The following TLL2 variants were observed in gnomAD, a reference collection of about 807,000 sequenced individuals.
TLL2 encodes tolloid like 2, also known as tolloid-like protein 2.
In TLL2, 106 loss-of-function variants were observed where a neutral mutation model predicts 123.0. That is an observed-to-expected ratio of 0.86 (90% confidence interval 0.74 to 1.01). The LOEUF (loss-of-function observed/expected upper bound fraction) is 1.01. Ranked by LOEUF, TLL2 falls within the 50% of genes least tolerant of loss-of-function variation. The pLI, the probability that TLL2 is intolerant of heterozygous loss-of-function variation, is 0.00. For missense variants in TLL2, 1,332 were observed against 1,336.7 expected, an observed-to-expected ratio of 1.00 and a Z score of 0.06; for synonymous variants, 494 against 516.8, an observed-to-expected ratio of 0.96 and a Z score of 0.60.
intron 2 of TLL2, among the ~76,000 whole-genome samples, chr10:96,476,242 TTTA>T (rs1317024639): frequency 0.056 from 700 of 12,426 alleles, 66 homozygotes; most frequent in Non-Finnish European, 0.087. Context: ...ATATATATAT[TTTA>T]TTTTTGTTGT....
intron 1 of TLL2, among the ~76,000 whole-genome samples, chr10:96,485,592 C>G (rs1847348197): frequency 6.6e-6 from 1 of 152,172 alleles, no homozygotes; most frequent in Non-Finnish European, 1.5e-5. Flanking sequence ...CAATGAAGTA[C>G]CACTTCACAG....
intron 1 of TLL2, among the ~76,000 whole-genome samples, chr10:96,509,879 G>A (rs1022474572): frequency 5.3e-5 from 8 of 152,192 alleles, no homozygotes; most frequent in Non-Finnish European, 8.8e-5. Flanking sequence ...CCCGGGAGGC[G>A]GAGCTTGCAG....
chr10:96,486,075 C>G (rs1053397716), intron 1 of TLL2, among the ~76,000 whole-genome samples: 1 of 152,146 alleles, frequency 6.6e-6, no homozygotes, highest in East Asian at 1.9e-4. Context: ...CTCACATGTT[C>G]CTGAATCATT....
intron 9 of TLL2, 42 bp from the exon 10 acceptor site, chr10:96,405,376 T>C: frequency 6.3e-7 from 1 of 1,595,268 alleles, no homozygotes; most frequent in Non-Finnish European, 8.6e-7. Context: ...CAGCAAAGCC[T>C]GAGGAGTTTG....
chr10:96,400,629 G>A (rs919933440), intron 10 of TLL2, among the ~76,000 whole-genome samples: 9 of 152,186 alleles, frequency 5.9e-5, no homozygotes, highest in African/African-American at 1.7e-4. Context: ...CTGAGTAGCC[G>A]GGCCACACGA....
At chr10:96,448,176 G>A (rs989602759) in intron 2 of TLL2, among the ~76,000 whole-genome samples, 2 of 152,180 alleles carry the variant, frequency 1.3e-5, no homozygotes, top group Non-Finnish European at 2.9e-5. Flanking sequence ...CATCCTGCTC[G>A]TTCCGCTGCC....
At chr10:96,403,378 ATGT>A (rs890641818) in intron 10 of TLL2, among the ~76,000 whole-genome samples, 1 of 152,242 alleles carries the variant, frequency 6.6e-6, no homozygotes, top group Non-Finnish European at 1.5e-5. Flanking sequence ...CTTTGCTGAG[ATGT>A]TGTTAATTTG....
At chr10:96,415,882 C>CT (rs373246874) in intron 7 of TLL2, among the ~76,000 whole-genome samples, 1,667 of 147,562 alleles carry the variant, frequency 0.011, 31 homozygotes, top group African/African-American at 0.04. Context: ...TTTGTGCAGA[C>CT]TTTTTTTTTC....
intron 2 of TLL2, among the ~76,000 whole-genome samples, chr10:96,459,669 CAAAAAAAAAAAAAAAAAAAA>C (rs1165594084): frequency 1.1e-3 from 28 of 24,404 alleles, no homozygotes; most frequent in Admixed American, 3.1e-3. Flanking sequence ...GATCCTGTTT[CAAAAAAAAAAAAAAAAAAAA>C]AAAAAAAAAA....
intron 18 of TLL2, chr10:96,375,171 G>A (rs1357565792): frequency 6.6e-6 from 1 of 152,374 alleles, no homozygotes; most frequent in Non-Finnish European, 1.5e-5. Flanking sequence ...CAGGGGAGCA[G>A]TGGCACCGGG....
intron 1 of TLL2, among the ~76,000 whole-genome samples, chr10:96,506,458 T>C (rs1847581529): frequency 6.6e-6 from 1 of 150,622 alleles, no homozygotes; most frequent in Non-Finnish European, 1.5e-5. Context: ...GGAGAACCAG[T>C]GGTCAGCTGG....
chr10:96,371,360 G>C (rs961518923), intron 19 of TLL2, among the ~76,000 whole-genome samples: 3 of 151,744 alleles, frequency 2.0e-5, no homozygotes, highest in Non-Finnish European at 2.9e-5. Context: ...AAAATAGATA[G>C]ATAAGACTGG....
rs745656375 is a variant in TLL2 at position 96,386,230 on chromosome 10, C to G, written c.1853-15G>C. Reference sequence around the variant, plus strand: ...GCCACAGGCCACTGCACGGGGGAAACAGAAACAGGATTCATTTGGCTTTGG... The same window carrying G: ...GCCACAGGCCACTGCACGGGGGAAAGAGAAACAGGATTCATTTGGCTTTGG... On this transcript the variant is annotated splice_polypyrimidine_tract_variant and intron_variant, in intron 14 of 20. Coordinates refer to ENST00000357947, the MANE Select transcript of TLL2 (RefSeq NM_012465.4). 1 of 1,549,102 alleles carries G rather than the reference C, an allele frequency of 6.5e-7. No homozygotes were observed. Among genetic ancestry groups the G allele is most frequent in the Non-Finnish European group, 8.7e-7 (1 of 1,146,060 alleles).
chr10:96,374,963 G>C (rs953088489), intron 18 of TLL2, among the ~76,000 whole-genome samples: 1 of 42,140 alleles, frequency 2.4e-5, no homozygotes, highest in Admixed American at 3.0e-4. Flanking sequence ...ATTAGTTGCG[G>C]GGGGGGGGGG....
intron 2 of TLL2, among the ~76,000 whole-genome samples, chr10:96,467,517 G>C (rs1319809737): frequency 1.3e-5 from 2 of 152,146 alleles, no homozygotes; most frequent in African/African-American, 4.8e-5. Context: ...ACAGCTGTGA[G>C]CCACCATGCC....
At chr10:96,396,182 C>G (rs1846338063) in intron 11 of TLL2, among the ~76,000 whole-genome samples, 162 bp from the exon 12 acceptor site, 1 of 152,190 alleles carries the variant, frequency 6.6e-6, no homozygotes, top group Non-Finnish European at 1.5e-5. Context: ...TCCAGAAAGG[C>G]ACGATTGCAT....
At chr10:96,423,322 T>TA (rs1320673015) in intron 5 of TLL2, among the ~76,000 whole-genome samples, 1 of 152,156 alleles carries the variant, frequency 6.6e-6, no homozygotes, top group East Asian at 1.9e-4. Context: ...TACCATACTC[T>TA]ACCCCTCCAC....
At chr10:96,499,733 C>T (rs1564920153) in intron 1 of TLL2, among the ~76,000 whole-genome samples, 2 of 152,054 alleles carry the variant, frequency 1.3e-5, no homozygotes, top group Admixed American at 6.5e-5. Flanking sequence ...AGGGTTCCCA[C>T]TAAATGTTTT....
intron 1 of TLL2, among the ~76,000 whole-genome samples, chr10:96,501,922 C>G (rs959341107): frequency 6.6e-6 from 1 of 152,206 alleles, no homozygotes; most frequent in Non-Finnish European, 1.5e-5. Context: ...CGTTTATACT[C>G]CTTGGAGCTC....
Sources: gnomAD v4.1 joint callset for allele counts (sites outside exome capture counted in the v4.1 genomes callset) on GRCh38, gnomAD v4.1.1 for gene constraint, MANE v1.5 for transcripts, NCBI Gene and HGNC (gene_info 2026-07-23, HGNC 2026-07-21) for gene names.